Variants in MORN5 observed in about 807,000 individuals in gnomAD.
MORN5 encodes the protein MORN repeat-containing protein 5.
MORN5 carries 21 observed loss-of-function variants against 22.1 expected under a neutral mutation model. That is an observed-to-expected ratio of 0.95 (90% confidence interval 0.67 to 1.37). The LOEUF (loss-of-function observed/expected upper bound fraction) is 1.37, where lower values mean the gene tolerates loss of function less well. MORN5 is among the 40% of genes most tolerant of loss of function. MORN5 has a pLI of 0.00. For synonymous variants in MORN5, 73 were observed against 74.0 expected (o/e 0.99, Z 0.07); for missense variants, 211 against 215.1 (o/e 0.98, Z 0.12).
In MORN5 at chr9:122,166,835, A is replaced by G. The variant is rs1313088573; in HGVS notation, c.115A>G (p.Met39Val). The change falls in exon 2 of 5, where the codon ATG becomes GTG. Residue 39 changes from methionine to valine, a missense_variant. By Grantham distance (21) the Met-to-Val change is conservative (BLOSUM62 1). Coordinates refer to ENST00000373764, the MANE Select transcript of MORN5 (RefSeq NM_198469.4). ...ATATGTTGGGGAAATGAAGGATGGC[A>G]TGTTTCACGGCGAGGGAACCCTGTA... ...TIYVGEMKDG[M>V]FHGEGTLYFP... 1.2e-6 allele frequency: 2 copies of G among 1,614,014 alleles called. No homozygotes were observed. The highest frequency in any genetic ancestry group is 1.7e-5 in the Admixed American group (1 of 59,996).
intron 4 of MORN5, chr9:122,175,727 A>G (rs1001447842): frequency 1.0e-6 from 1 of 981,914 alleles, no homozygotes; most frequent in Non-Finnish European, 1.2e-6. Flanking sequence ...AGACCAGAAC[A>G]TCTGTGCTGG....
rs149287867 is a variant in MORN5, at chr9:122,170,079, C to A, written c.307+323C>A. Among the ~76,000 whole-genome samples the A allele has an allele frequency of 3.7e-3, 565 of 152,262 alleles. 7 individuals carry two copies. Among genetic ancestry groups the A allele is most frequent in the African/African-American group, 0.013 (541 of 41,550 alleles). On this transcript the variant is annotated intron_variant, in intron 3 of 4. Transcript: ENST00000373764. The stretch of plus-strand genomic sequence containing the variant: ...TTGGGAGGCCAAGGCGGGTGGATCA[C>A]TTGAGGTCAGGACTTCCAGACCATC...
At chr9:122,169,547 C>A (rs1829336665) in intron 2 of MORN5, 98 bp from the exon 3 acceptor site, 4 of 761,246 alleles carry the variant, frequency 5.3e-6, no homozygotes, top group Non-Finnish European at 9.4e-6. Context: ...TTCTTTACTG[C>A]AGCCATCAGA....
chr9:122,160,423 A>C (rs1420473268), intron 1 of MORN5, among the ~76,000 whole-genome samples: 2 of 152,220 alleles, frequency 1.3e-5, no homozygotes, highest in Non-Finnish European at 2.9e-5. Context: ...CTGAATCTAC[A>C]CGGTCGCTTC....
intron 4 of MORN5, among the ~76,000 whole-genome samples, chr9:122,184,743 C>T (rs1283920944): frequency 1.3e-5 from 2 of 152,122 alleles, no homozygotes; most frequent in Non-Finnish European, 2.9e-5. Context: ...CCTTGTTATT[C>T]CCACTTTACA....
chr9:122,177,601 T>A (rs1388824756), intron 4 of MORN5, among the ~76,000 whole-genome samples: 2 of 152,080 alleles, frequency 1.3e-5, no homozygotes, highest in Non-Finnish European at 2.9e-5. Context: ...CCCAGCTAAT[T>A]TTTGTATTTT....
At chr9:122,175,636 G>C in intron 4 of MORN5, 1 of 982,232 alleles carries the variant, frequency 1.0e-6, no homozygotes, top group Non-Finnish European at 1.2e-6. Context: ...ACATTTTGCA[G>C]ATAGTCTTAA....
In MORN5 at chr9:122,185,936, C is replaced by T. The variant is rs541379390; in HGVS notation, c.439+11309C>T. ...CTCCCCCACAGCCTCCTCCCGCTGT[C>T]ATCCCTCCAGCGAGACAAAAGGCAA... On this transcript the variant is annotated intron_variant, in intron 4 of 4. Transcript: ENST00000373764. Among the ~76,000 whole-genome samples, 153 of 152,362 alleles carry T rather than the reference C, an allele frequency of 1.0e-3. 1 individual carries two copies. The highest frequency in any genetic ancestry group is 3.6e-3 in the African/African-American group (149 of 41,582).
intron 4 of MORN5, among the ~76,000 whole-genome samples, chr9:122,184,982 A>G (rs1829591882): frequency 6.6e-6 from 1 of 152,238 alleles, no homozygotes; most frequent in Admixed American, 6.5e-5. Context: ...CAAAGAGTGT[A>G]AGGTTGCAGA....
intron 4 of MORN5, among the ~76,000 whole-genome samples, chr9:122,182,533 C>A (rs1019941794): frequency 6.6e-6 from 1 of 152,166 alleles, no homozygotes; most frequent in Non-Finnish European, 1.5e-5. Context: ...GGCAGATCAC[C>A]TGAGGTCAGG....
chr9:122,193,932 C>T (rs1442909645), intron 4 of MORN5, among the ~76,000 whole-genome samples: 1 of 152,172 alleles, frequency 6.6e-6, no homozygotes, highest in Non-Finnish European at 1.5e-5. Flanking sequence ...CCTTGAAGGC[C>T]AGGCTGAGGA....
intron 4 of MORN5, among the ~76,000 whole-genome samples, chr9:122,179,502 C>T (rs1241972550): frequency 1.3e-5 from 2 of 152,064 alleles, no homozygotes; most frequent in Middle Eastern, 3.2e-3. Flanking sequence ...TGGTCCTGGC[C>T]CCAGCTCTCA....
At chr9:122,163,470 G>A (rs546962625) in intron 1 of MORN5, among the ~76,000 whole-genome samples, 65 of 152,380 alleles carry the variant, frequency 4.3e-4, no homozygotes, top group African/African-American at 1.5e-3. Context: ...CGTCCTTAAA[G>A]GCTTCGTGGA....
At chr9:122,187,181 C>A (rs1331434023) in intron 4 of MORN5, among the ~76,000 whole-genome samples, 1 of 152,236 alleles carries the variant, frequency 6.6e-6, no homozygotes, top group Non-Finnish European at 1.5e-5. Flanking sequence ...CAATCACAGT[C>A]GTGATCCTTT....
intron 1 of MORN5, among the ~76,000 whole-genome samples, chr9:122,163,693 G>A (rs1298375070): frequency 6.6e-6 from 1 of 152,196 alleles, no homozygotes; most frequent in African/African-American, 2.4e-5. Flanking sequence ...TGGACAGGCG[G>A]TCTGTGCTCT....
intron 4 of MORN5, among the ~76,000 whole-genome samples, chr9:122,186,331 C>T (rs1023622354): frequency 6.6e-6 from 1 of 152,152 alleles, no homozygotes; most frequent in Admixed American, 6.5e-5. Context: ...GAACCCAGGT[C>T]CCTCTGACAC....
At chr9:122,174,389 G>A (rs1829413084) in intron 3 of MORN5, 107 bp from the exon 4 acceptor site, 4 of 1,308,908 alleles carry the variant, frequency 3.1e-6, no homozygotes, top group Non-Finnish European at 3.2e-6. Flanking sequence ...GTTCAACAGG[G>A]GAGCCAGATA....
At chr9:122,182,165 C>T (rs1028526965) in intron 4 of MORN5, among the ~76,000 whole-genome samples, 18 of 152,244 alleles carry the variant, frequency 1.2e-4, no homozygotes, top group Non-Finnish European at 2.9e-5. Context: ...TCTTCTGCCC[C>T]ATGTTCTAGT....
chr9:122,167,190 G>A (rs565588628), intron 2 of MORN5, among the ~76,000 whole-genome samples: 3,437 of 151,166 alleles, frequency 0.023, 49 homozygotes, highest in Middle Eastern at 0.038. Flanking sequence ...TGGGACTACG[G>A]GCGTGCACCA....
Sources: allele counts gnomAD v4.1 joint callset (sites outside exome capture counted in the v4.1 genomes callset), GRCh38; gene constraint gnomAD v4.1.1; transcripts MANE v1.5; gene names NCBI Gene and HGNC (gene_info 2026-07-23, HGNC 2026-07-21).